Variants in FGF5 observed in about 807,000 individuals in gnomAD.
The protein encoded by FGF5 is fibroblast growth factor 5.
A neutral mutation model predicts 21.8 loss-of-function variants in FGF5; 23 were observed. The ratio of observed to expected loss-of-function variants is 1.05; its 90% CI spans 0.76 to 1.49. The LOEUF is 1.49. Among genes scored for constraint, FGF5 ranks in the 40% most tolerant of loss-of-function variants. The pLI is 0.00. For missense variants in FGF5, 352 were observed against 332.9 expected (o/e 1.06, Z -0.45); for synonymous variants, 158 against 124.0 (o/e 1.27, Z -1.82).
chr4:80,269,368 C>T (rs987599042), intron 1 of FGF5, among the ~76,000 whole-genome samples: 3 of 152,126 alleles, frequency 2.0e-5, no homozygotes, highest in African/African-American at 7.2e-5. Flanking sequence ...CCAGGATATT[C>T]ACCATCTTCT....
In FGF5 at chr4:80,286,653, T is replaced by C. The variant is rs773359249; in HGVS notation, c.788T>C (p.Leu263Pro). ...RKNTNSVKYR[L>P]KFRFG ...AATACCAACTCAGTGAAATACAGAC[T>C]CAAGTTTCGCTTTGGATAATATTCC... Residue 263 changes from leucine (L) to proline (P), a missense_variant, in exon 3 of 3, where the codon CTC (leucine) becomes CCC (proline). Coordinates refer to ENST00000312465, the MANE Select transcript of FGF5 (RefSeq NM_004464.4). 6.2e-6 allele frequency: 10 copies of C among 1,613,646 alleles called. No individual in the cohort carries two copies. The highest frequency in any genetic ancestry group is 7.6e-6 in the Non-Finnish European group (9 of 1,179,756).
Position 80,286,687 on chromosome 4 carries a change from T to C in FGF5, c.*15T>C. 1.9e-6 allele frequency: 3 copies of C among 1,599,734 alleles called. No individual in the cohort carries two copies. The highest frequency in any genetic ancestry group is 2.6e-6 in the Non-Finnish European group (3 of 1,169,014). On this transcript the variant is annotated 3_prime_UTR_variant, in exon 3 of 3. Transcript: ENST00000312465. ...GCTTTGGATAATATTCCTCTTGGCC[T>C]TGTGAGAAACCATTCTTTCCCCTCA...
At chr4:80,283,879 A>T (rs17004869) in intron 2 of FGF5, among the ~76,000 whole-genome samples, 7,444 of 152,314 alleles carry the variant, frequency 0.049, 277 homozygotes, top group East Asian at 0.16. Flanking sequence ...AGCCAGAAAC[A>T]TTCTAGATGT....
chr4:80,268,449 A>C (rs3822015), intron 1 of FGF5: 446,764 of 983,266 alleles, frequency 0.45, 107,999 homozygotes, highest in African/African-American at 0.87. Context: ...CTCAGACCAA[A>C]GACTCCACGG....
chr4:80,280,334 C>G (rs1428788154), intron 2 of FGF5, among the ~76,000 whole-genome samples: 1 of 152,226 alleles, frequency 6.6e-6, no homozygotes, highest in Non-Finnish European at 1.5e-5. Flanking sequence ...TTGAGGAAAT[C>G]TGGATGTGAT....
At chr4:80,279,697 A>C (rs1282131794) in intron 2 of FGF5, among the ~76,000 whole-genome samples, 1 of 152,166 alleles carries the variant, frequency 6.6e-6, no homozygotes, top group African/African-American at 2.4e-5. Context: ...TAAATCTTGG[A>C]AAAGGTGGTT....
At chr4:80,285,659 G>A (rs1482607663) in intron 2 of FGF5, among the ~76,000 whole-genome samples, 1 of 152,180 alleles carries the variant, frequency 6.6e-6, no homozygotes, top group Non-Finnish European at 1.5e-5. Context: ...TTTTGTGTGT[G>A]TGTAAGATCT....
intron 2 of FGF5, among the ~76,000 whole-genome samples, chr4:80,279,269 C>T (rs1320625684): frequency 6.6e-6 from 1 of 152,214 alleles, no homozygotes; most frequent in African/African-American, 2.4e-5. Context: ...ATTAAAGTCA[C>T]AATCTATTGG....
Position 80,271,360 on chromosome 4 carries a change from T to C in FGF5, c.356-3549T>C, listed in dbSNP as rs369013408. 6.6e-5 allele frequency among the ~76,000 whole-genome samples: 10 copies of C among 151,130 alleles called. 1 individual carries two copies. The highest frequency in any genetic ancestry group is 2.1e-4 in the South Asian group (1 of 4,760). On this transcript the variant is annotated intron_variant, in intron 1 of 2. Coordinates refer to ENST00000312465, the MANE Select transcript of FGF5 (RefSeq NM_004464.4). ...TGAGAGACACCAAGACATTCTTGCC[T>C]TCTTCAGCCTAGGTGTCAATGCTGA...
intron 1 of FGF5, among the ~76,000 whole-genome samples, chr4:80,270,226 C>A (rs995815831): frequency 2.0e-5 from 3 of 152,192 alleles, no homozygotes; most frequent in Non-Finnish European, 4.4e-5. Context: ...TTGTTACAAC[C>A]CTGATACTTC....
At position 80,266,678 on chromosome 4, in the gene FGF5, T is replaced by TCTCTTCCC; in HGVS notation, c.-142_-135dup. ...CGCGGAGATCCGCTCGGGTGGCCTC[T>TCTCTTCCC]CTCTTCCCCTCTCCCCTTCTCTTCC... On this transcript the variant is annotated 5_prime_UTR_variant, in exon 1 of 3. Transcript: ENST00000312465. The TCTCTTCCC allele has an allele frequency of 1.5e-6, 1 of 679,206 alleles. No individual in the cohort carries two copies. The highest frequency in any genetic ancestry group is 2.7e-5 in the East Asian group (1 of 36,418). 42.1% of individuals were successfully genotyped at this position (679,206 alleles called of 1,614,324 possible).
In FGF5 at chr4:80,286,770, C is replaced by G; in HGVS notation, c.*98C>G. ...GAAAAATTACTGGACACAGCTTCAG[C>G]TATACTTACACTGTATTGAAGTCAC... On this transcript the variant is annotated 3_prime_UTR_variant, in exon 3 of 3. Transcript: ENST00000312465. 2.3e-6 allele frequency: 2 copies of G among 856,492 alleles called. No homozygotes were observed. Among genetic ancestry groups the G allele is most frequent in the South Asian group, 1.7e-5 (1 of 59,036 alleles). The allele number at this position is 856,492 out of a possible 1,614,324, so 53.1% of individuals were successfully genotyped here.
intron 1 of FGF5, among the ~76,000 whole-genome samples, chr4:80,267,898 T>C (rs1258588093): frequency 6.6e-6 from 1 of 151,908 alleles, no homozygotes; most frequent in African/African-American, 2.4e-5. Context: ...AACTCCAGAG[T>C]TGGATTTAAC....
At chr4:80,276,911 A>G (rs983282271) in intron 2 of FGF5, among the ~76,000 whole-genome samples, 1 of 152,164 alleles carries the variant, frequency 6.6e-6, no homozygotes, top group African/African-American at 2.4e-5. Flanking sequence ...AGTGCATACA[A>G]AGAAACTTTC....
chr4:80,280,645 A>C (rs1269329610), intron 2 of FGF5, among the ~76,000 whole-genome samples: 1 of 152,204 alleles, frequency 6.6e-6, no homozygotes, highest in African/African-American at 2.4e-5. Flanking sequence ...AAAATCAGAT[A>C]ATACTATCCT....
At chr4:80,273,853 T>C (rs1720336267) in intron 1 of FGF5, among the ~76,000 whole-genome samples, 1 of 152,058 alleles carries the variant, frequency 6.6e-6, no homozygotes, top group African/African-American at 2.4e-5. Flanking sequence ...CTTCCCTTTT[T>C]CCTTTCTAAG....
chr4:80,267,247 TATTCGCCGG>T, intron 1 of FGF5, 68 bp downstream of exon 1: 1 of 1,287,530 alleles, frequency 7.8e-7, no homozygotes, highest in Non-Finnish European at 1.1e-6. Context: ...GGACAGCAGG[TATTCGCCGG>T]GACACAGGCT....
In FGF5 at chr4:80,286,919, C is replaced by A; in HGVS notation, c.*247C>A. The A allele has an allele frequency of 5.1e-6, 2 of 388,904 alleles. No homozygotes were observed. The highest frequency in any genetic ancestry group is 9.2e-6 in the Non-Finnish European group (2 of 216,354). 24.1% of individuals were successfully genotyped at this position (388,904 alleles called of 1,614,324 possible). A position where few individuals can be genotyped will look rare whatever the true frequency, so the allele number is the denominator to read the frequency against. On this transcript the variant is annotated 3_prime_UTR_variant, in exon 3 of 3. Transcript: ENST00000312465. ...AAGACATAAAGCCTTTTGCTTTATG[C>A]TTGAGGGATATTTAGAACTTTGTAT...
chr4:80,286,322 T>C lies in FGF5; in HGVS notation c.460-3T>C. ...AAATTTCCTCTTTTTTTCTCCTCCT[T>C]AGGCCAAGTTCACAGATGACTGCAA... On this transcript the variant is annotated splice_polypyrimidine_tract_variant and splice_region_variant and intron_variant, in intron 2 of 2. Transcript: ENST00000312465. The C allele has an allele frequency of 6.4e-7, 1 of 1,571,048 alleles. No individual in the cohort carries two copies. The highest frequency in any genetic ancestry group is 8.6e-7 in the Non-Finnish European group (1 of 1,158,350).
Sources: gnomAD v4.1 joint callset for allele counts (sites outside exome capture counted in the v4.1 genomes callset) on GRCh38, gnomAD v4.1.1 for gene constraint, MANE v1.5 for transcripts, NCBI Gene and HGNC (gene_info 2026-07-23, HGNC 2026-07-21) for gene names.